RANBP17: variants seen among roughly 807,000 people sequenced by gnomAD.
RANBP17 encodes the protein ran-binding protein 17.
In RANBP17, 158 loss-of-function variants were observed where a neutral mutation model predicts 141.2. The ratio of observed to expected loss-of-function variants is 1.12; its 90% CI spans 0.98 to 1.28. RANBP17 has a LOEUF of 1.28. RANBP17 is among the 50% of genes most tolerant of loss of function. RANBP17 has a pLI of 0.00. For synonymous variants in RANBP17, 430 were observed against 450.0 expected (o/e 0.96, Z 0.56); for missense variants, 1,438 against 1,290.7 (o/e 1.11, Z -1.75).
chr5:171,214,163 G>A (rs1763076590), intron 21 of RANBP17, among the ~76,000 whole-genome samples: 1 of 152,080 alleles, frequency 6.6e-6, no homozygotes, highest in African/African-American at 2.4e-5. Context: ...TCAATTCATG[G>A]GAACATAGTT....
At chr5:171,221,215 A>G (rs1021478193) in intron 21 of RANBP17, among the ~76,000 whole-genome samples, 1 of 152,222 alleles carries the variant, frequency 6.6e-6, no homozygotes, top group African/African-American at 2.4e-5. Flanking sequence ...GTTTCTCTTT[A>G]CTGAAGTTGT....
At chr5:170,993,947 C>A (rs1778661598) in intron 14 of RANBP17, among the ~76,000 whole-genome samples, 1 of 151,970 alleles carries the variant, frequency 6.6e-6, no homozygotes, top group Non-Finnish European at 1.5e-5. Context: ...TTGTATCTCT[C>A]TTGGAAATTT....
chr5:171,122,146 G>A (rs1041212826), intron 14 of RANBP17, among the ~76,000 whole-genome samples: 6 of 152,194 alleles, frequency 3.9e-5, no homozygotes, highest in South Asian at 4.1e-4. Flanking sequence ...AATAGAGTGC[G>A]GAGGTCACTG....
At chr5:171,048,265 G>A (rs1395040031) in intron 14 of RANBP17, among the ~76,000 whole-genome samples, 1 of 151,994 alleles carries the variant, frequency 6.6e-6, no homozygotes, top group African/African-American at 2.4e-5. Flanking sequence ...TTTCTCTGTT[G>A]CCCTGGCTGG....
chr5:170,934,566 C>T (rs1416576961), intron 12 of RANBP17, among the ~76,000 whole-genome samples: 4 of 152,118 alleles, frequency 2.6e-5, no homozygotes, highest in Non-Finnish European at 4.4e-5. Context: ...ACTTATGAAG[C>T]CTAGTTTGGC....
chr5:171,104,151 C>T (rs569926901), intron 14 of RANBP17, among the ~76,000 whole-genome samples: 2 of 152,328 alleles, frequency 1.3e-5, no homozygotes, highest in South Asian at 4.1e-4. Flanking sequence ...GATTCTGCTG[C>T]CTCAGCCTTT....
chr5:171,111,878 A>G (rs1755258114), intron 14 of RANBP17, among the ~76,000 whole-genome samples: 1 of 152,210 alleles, frequency 6.6e-6, no homozygotes, highest in South Asian at 2.1e-4. Flanking sequence ...AGCCACTTAT[A>G]CTTAGGGATC....
chr5:171,235,087 G>A (rs761462244), intron 22 of RANBP17, among the ~76,000 whole-genome samples: 3 of 152,158 alleles, frequency 2.0e-5, no homozygotes, highest in Admixed American at 1.3e-4. Context: ...TCGAGAGAAT[G>A]TGTCTTGGAA....
At position 171,299,404 on chromosome 5, in the gene RANBP17, T is replaced by G. The variant is rs1769012848; in HGVS notation, c.*546T>G. The G allele has an allele frequency of 4.3e-6, 1 of 231,900 alleles. No homozygotes were observed. The highest frequency in any genetic ancestry group is 8.5e-6 in the Non-Finnish European group (1 of 117,026). The allele number at this position is 231,900 out of a possible 1,614,324, so 14.4% of individuals were successfully genotyped here. On this transcript the variant is annotated 3_prime_UTR_variant, in exon 28 of 28. Transcript: ENST00000523189. ...AGGACCACACGCAGGCCTCCCTGCC[T>G]CAGCTGCATCTGATAAAGTTGAGAG...
chr5:171,122,456 A>G (rs989439013), intron 14 of RANBP17, among the ~76,000 whole-genome samples: 3 of 152,234 alleles, frequency 2.0e-5, no homozygotes, highest in Admixed American at 1.3e-4. Context: ...ATAGTAAAGT[A>G]TAAATACACA....
At chr5:171,154,031 AAAATAAAT>A (rs949511099) in intron 14 of RANBP17, among the ~76,000 whole-genome samples, 2 of 151,958 alleles carry the variant, frequency 1.3e-5, no homozygotes. Context: ...CCATCTCAAA[AAAATAAAT>A]AAATAAATAA....
intron 14 of RANBP17, among the ~76,000 whole-genome samples, chr5:171,059,296 G>A (rs1783639093): frequency 6.6e-6 from 1 of 152,220 alleles, no homozygotes; most frequent in Admixed American, 6.5e-5. Flanking sequence ...TATGGTTTTA[G>A]GTCTAACATT....
At chr5:170,981,562 AT>A (rs1016650953) in intron 14 of RANBP17, among the ~76,000 whole-genome samples, 32 of 149,212 alleles carry the variant, frequency 2.1e-4, no homozygotes, top group African/African-American at 6.2e-4. Flanking sequence ...ACAGGCTCTC[AT>A]TTTTTTTTTT....
At chr5:170,949,121 G>A (rs1178892704) in intron 12 of RANBP17, among the ~76,000 whole-genome samples, 1 of 152,160 alleles carries the variant, frequency 6.6e-6, no homozygotes, top group Admixed American at 6.6e-5. Flanking sequence ...CAGCCTGGGT[G>A]ACCGAGTAAA....
intron 14 of RANBP17, among the ~76,000 whole-genome samples, chr5:171,047,099 C>G (rs1373818310): frequency 4.4e-5 from 6 of 136,636 alleles, no homozygotes; most frequent in Non-Finnish European, 6.1e-5. Context: ...CTCACTGCAT[C>G]CTCTGCCTCC....
chr5:171,258,774 A>T (rs1766090158), intron 24 of RANBP17, among the ~76,000 whole-genome samples: 1 of 152,216 alleles, frequency 6.6e-6, no homozygotes, highest in Non-Finnish European at 1.5e-5. Context: ...TTAAAAAAAT[A>T]CTAGAAGAAA....
intron 1 of RANBP17, among the ~76,000 whole-genome samples, chr5:170,876,791 T>C (rs1423328924): frequency 1.3e-5 from 2 of 152,186 alleles, no homozygotes; most frequent in Non-Finnish European, 2.9e-5. Context: ...TGAGGGAATG[T>C]GTGGGCTAGT....
intron 13 of RANBP17, among the ~76,000 whole-genome samples, chr5:170,967,673 C>T (rs1398447851): frequency 6.6e-6 from 1 of 151,110 alleles, no homozygotes; most frequent in Non-Finnish European, 1.5e-5. Context: ...AGTTTAACTG[C>T]TGTTAGGAAT....
chr5:170,979,619 G>A (rs757419398), intron 14 of RANBP17, among the ~76,000 whole-genome samples: 1 of 152,112 alleles, frequency 6.6e-6, no homozygotes, highest in Admixed American at 6.5e-5. Context: ...TACTATAAAG[G>A]GGAGTTGTCC....
Sources: allele counts gnomAD v4.1 joint callset (sites outside exome capture counted in the v4.1 genomes callset), GRCh38; gene constraint gnomAD v4.1.1; transcripts MANE v1.5; gene names NCBI Gene and HGNC (gene_info 2026-07-23, HGNC 2026-07-21).